Variants in UBR2 observed in about 807,000 individuals in gnomAD.
UBR2 encodes the protein E3 ubiquitin-protein ligase UBR2.
UBR2 carries 92 observed loss-of-function variants against 247.9 expected under a neutral mutation model. The observed-to-expected ratio is 0.37, with a 90% CI of 0.31 to 0.44. UBR2 has a LOEUF of 0.44. UBR2 is among the 20% of genes least tolerant of loss of function. The probability of loss-of-function intolerance (pLI) is 1.00; values close to 1 mark genes in which losing one functional copy is unlikely to be tolerated. For synonymous variants in UBR2, 672 were observed against 693.5 expected, an observed-to-expected ratio of 0.97 and a Z score of 0.49; for missense variants, 1,613 against 2,112.6, an observed-to-expected ratio of 0.76 and a Z score of 4.64.
At chr6:42,616,847 G>A (rs981580096) in intron 10 of UBR2, among the ~76,000 whole-genome samples, 2 of 152,048 alleles carry the variant, frequency 1.3e-5, no homozygotes, top group South Asian at 2.1e-4. Flanking sequence ...CAAGAATGGC[G>A]GCCCAAGCAT....
At chr6:42,644,155 T>G in intron 18 of UBR2, 59 bp from the exon 19 acceptor site, 1 of 1,541,286 alleles carries the variant, frequency 6.5e-7, no homozygotes, top group South Asian at 1.2e-5. Flanking sequence ...ATTGTTTCAA[T>G]AGTGGCCCCT....
chr6:42,616,632 C>CT (rs535573811), intron 10 of UBR2, among the ~76,000 whole-genome samples: 6,806 of 135,074 alleles, frequency 0.05, 486 homozygotes, highest in African/African-American at 0.17. Context: ...ATGTATTTTG[C>CT]TTTTTTTTTT....
At chr6:42,600,783 A>T (rs748445655) in intron 4 of UBR2, among the ~76,000 whole-genome samples, 4 of 151,714 alleles carry the variant, frequency 2.6e-5, no homozygotes, top group Non-Finnish European at 4.4e-5. Flanking sequence ...CAGTCCTCCC[A>T]CCTCAGCTTC....
chr6:42,635,691 A>G (rs1796049377), intron 14 of UBR2, 145 bp downstream of exon 14: 1 of 979,938 alleles, frequency 1.0e-6, no homozygotes. Context: ...TCCACCTATA[A>G]ACTCAGTAAA....
chr6:42,658,927 T>C (rs1638447042), intron 29 of UBR2, 103 bp downstream of exon 29: 3 of 1,224,640 alleles, frequency 2.4e-6, no homozygotes, highest in African/African-American at 1.6e-5. Context: ...CCTAAAGTAA[T>C]TTAGTAGAAT....
chr6:42,657,092 G>A (rs547934110), intron 26 of UBR2, among the ~76,000 whole-genome samples: 9 of 151,862 alleles, frequency 5.9e-5, no homozygotes, highest in South Asian at 2.1e-4. Context: ...AAAATTAACC[G>A]GGCATGGTGG....
chr6:42,675,840 C>G (rs1024617482), intron 38 of UBR2, among the ~76,000 whole-genome samples: 1 of 152,068 alleles, frequency 6.6e-6, no homozygotes, highest in African/African-American at 2.4e-5. Context: ...GCCTGTAATC[C>G]CAGCTACTCA....
At position 42,659,106 on chromosome 6, in the gene UBR2, T is replaced by TG. The variant is rs1229457148; in HGVS notation, c.3242+283dup. ...TCAGTTACCTAGAGCGTATGACATCTGTGTTGAAGATTAGATTACTGTGAG... is the reference window on the plus strand; with the variant it reads ...TCAGTTACCTAGAGCGTATGACATCTGGTGTTGAAGATTAGATTACTGTGAG... On this transcript the variant is annotated intron_variant, in intron 29 of 46. Transcript: ENST00000372901. The surrounding 1 kb of genome is among the most constrained non-coding windows in gnomAD (Gnocchi z 4.3). 6.6e-6 allele frequency among the ~76,000 whole-genome samples: 1 copy of TG among 152,176 alleles called. No homozygotes were observed. The highest frequency in any genetic ancestry group is 1.5e-5 in the Non-Finnish European group (1 of 68,032).
chr6:42,614,415 C>CGTACATACATACGTATATATGTGT (rs1554250447), intron 8 of UBR2, among the ~76,000 whole-genome samples: 1 of 89,184 alleles, frequency 1.1e-5, no homozygotes, highest in African/African-American at 4.8e-5. Flanking sequence ...TATGTATGTA[C>CGTACATACATACGTATATATGTGT]GTACGTACAT....
rs1797687647 is a variant in UBR2 at position 42,659,669 on chromosome 6, G to T, written c.3256G>T (p.Asp1086Tyr). 1 of 1,613,490 alleles carries T rather than the reference G, an allele frequency of 6.2e-7. No homozygotes were observed. Among genetic ancestry groups the T allele is most frequent in the Admixed American group, 1.7e-5 (1 of 59,930 alleles). ...TTTGTATTGCAGCCCTGTGGCTTCAGATATGACACTTACAGCACTGGGCCC... is the reference window on the plus strand; with the variant it reads ...TTTGTATTGCAGCCCTGTGGCTTCATATATGACACTTACAGCACTGGGCCC... ...AVLDHSPVAS[D>Y]MTLTALGPAQ... The change falls in exon 30 of 47, where the codon GAT becomes TAT. Residue 1086 changes from aspartate (D) to tyrosine (Y), a missense_variant. This residue lies in a region of UBR2 where 1,524 missense variants were observed against 1,967.3 expected (regional missense o/e 0.77). Coordinates refer to ENST00000372901, the MANE Select transcript of UBR2 (RefSeq NM_001363705.2). This position sits in a 1 kb window ranked among gnomAD's most constrained non-coding sequence, Gnocchi z 4.3.
In UBR2 at chr6:42,673,857, G is replaced by A. The variant is rs1417884010; in HGVS notation, c.4153G>A (p.Val1385Met). 1 of 1,613,774 alleles carries A rather than the reference G, an allele frequency of 6.2e-7. No individual in the cohort carries two copies. The highest frequency in any genetic ancestry group is 8.5e-7 in the Non-Finnish European group (1 of 1,179,800). The change falls in exon 37 of 47, where the codon GTG becomes ATG. Residue 1385 changes from valine to methionine, a missense_variant. Physicochemically the swap from Val to Met is conservative, Grantham distance 21 (BLOSUM62 1). Coordinates refer to ENST00000372901, the MANE Select transcript of UBR2 (RefSeq NM_001363705.2). ...AHWTVASVSV[V>M]QGHFCKLFAS... The stretch of plus-strand genomic sequence containing the variant: ...CTGGACAGTGGCATCAGTTTCAGTG[G>A]TGCAAGGACATTTTTGTAAACTTTT...
chr6:42,659,614 G>T lies in UBR2; in HGVS notation c.3243-42G>T, dbSNP rs1797683137. 1 of 1,573,058 alleles carries T rather than the reference G, an allele frequency of 6.4e-7. No individual in the cohort carries two copies. The highest frequency in any genetic ancestry group is 1.8e-5 in the Admixed American group (1 of 56,170). On this transcript the variant is annotated intron_variant, in intron 29 of 46. Coordinates refer to ENST00000372901, the MANE Select transcript of UBR2 (RefSeq NM_001363705.2). The surrounding 1 kb of genome is among the most constrained non-coding windows in gnomAD (Gnocchi z 4.3). ...CTGCTATTTTGTGATTATATAGAAA[G>T]TTTTGGGATCATTAATTATATTCAT...
At chr6:42,602,460 A>C (rs146184720) in intron 4 of UBR2, among the ~76,000 whole-genome samples, 3,537 of 150,326 alleles carry the variant, frequency 0.024, 125 homozygotes, top group African/African-American at 0.081. Flanking sequence ...CATCAGCCTC[A>C]CAAAGTGCTG....
At chr6:42,680,900 C>T (rs1033008298) in intron 42 of UBR2, among the ~76,000 whole-genome samples, 4 of 151,962 alleles carry the variant, frequency 2.6e-5, no homozygotes, top group Non-Finnish European at 4.4e-5. Flanking sequence ...CGGTGGCTCA[C>T]GCCTGTAATC....
intron 1 of UBR2, among the ~76,000 whole-genome samples, chr6:42,569,182 A>T (rs1206914804): frequency 6.6e-6 from 1 of 152,218 alleles, no homozygotes; most frequent in Admixed American, 6.5e-5. Context: ...TTGGGTATAT[A>T]CATACCTAGA....
At chr6:42,632,053 A>AT (rs1562333458) in intron 11 of UBR2, among the ~76,000 whole-genome samples, 1 of 33,178 alleles carries the variant, frequency 3.0e-5, no homozygotes. Flanking sequence ...GTATTTGCTT[A>AT]TTTAAAAAAA....
chr6:42,625,098 T>A (rs1795254415), intron 11 of UBR2, among the ~76,000 whole-genome samples: 1 of 152,218 alleles, frequency 6.6e-6, no homozygotes, highest in Non-Finnish European at 1.5e-5. Flanking sequence ...TATATCAGAT[T>A]TCTCTTATTG....
At chr6:42,675,898 A>G (rs573204149) in intron 38 of UBR2, among the ~76,000 whole-genome samples, 158 bp from the exon 39 acceptor site, 1 of 152,302 alleles carries the variant, frequency 6.6e-6, no homozygotes, top group African/African-American at 2.4e-5. Flanking sequence ...TGGATGTTGC[A>G]GTGAACCGAG....
intron 8 of UBR2, 116 bp from the exon 9 acceptor site, chr6:42,614,955 A>G (rs1794443498): frequency 1.3e-6 from 1 of 786,862 alleles, no homozygotes; most frequent in African/African-American, 1.8e-5. Context: ...TTCTGAATAA[A>G]TTTGAACTTT....
Sources: gnomAD v4.1 joint callset for allele counts (sites outside exome capture counted in the v4.1 genomes callset) on GRCh38, gnomAD v4.1.1 for gene constraint, gnomAD v4.1.1 regional missense constraint, Gnocchi (gnomAD v3.1) non-coding constraint, MANE v1.5 for transcripts, NCBI Gene and HGNC (gene_info 2026-07-23, HGNC 2026-07-21) for gene names.